Variants in NEGR1 observed in about 807,000 individuals in gnomAD.
The protein encoded by NEGR1 is IgLON family member 4.
In NEGR1, 10 loss-of-function variants were observed where a neutral mutation model predicts 40.9. The ratio of observed to expected loss-of-function variants is 0.24; its 90% confidence interval spans 0.15 to 0.42. The LOEUF is 0.42. NEGR1 is among the 10% of genes least tolerant of loss of function. The probability of loss-of-function intolerance (pLI) is 1.00; values close to 1 mark genes in which losing one functional copy is unlikely to be tolerated. For missense variants in NEGR1, 352 were observed against 438.9 expected (o/e 0.80, Z 1.77); for synonymous variants, 185 against 166.8 (o/e 1.11, Z -0.84).
At chr1:71,590,804 C>T (rs1557578716) in intron 6 of NEGR1, among the ~76,000 whole-genome samples, 1 of 152,108 alleles carries the variant, frequency 6.6e-6, no homozygotes, top group African/African-American at 2.4e-5. Context: ...GTTACAAGTA[C>T]AAATTCTACA....
intron 1 of NEGR1, among the ~76,000 whole-genome samples, chr1:72,226,924 T>A (rs373303582): frequency 6.6e-6 from 1 of 152,058 alleles, no homozygotes. Flanking sequence ...AAAATGACCA[T>A]CCATTCCATT....
intron 1 of NEGR1, among the ~76,000 whole-genome samples, chr1:72,245,511 T>A (rs1011698833): frequency 6.6e-6 from 1 of 152,146 alleles, no homozygotes; most frequent in African/African-American, 2.4e-5. Flanking sequence ...TACTATGGCA[T>A]CAACTCATGT....
chr1:71,688,329 G>T (rs2422023), intron 4 of NEGR1, among the ~76,000 whole-genome samples: 52,678 of 66,782 alleles, frequency 0.79, 20,066 homozygotes, highest in Non-Finnish European at 0.82. Context: ...TATATATATA[G>T]ATAGATAGAT....
At chr1:72,108,308 T>A (rs975577807) in intron 1 of NEGR1, among the ~76,000 whole-genome samples, 2 of 151,668 alleles carry the variant, frequency 1.3e-5, no homozygotes, top group Non-Finnish European at 3.0e-5. Flanking sequence ...TATTCTCTCC[T>A]AAGTCCATTA....
chr1:71,807,856 T>A lies in NEGR1; in HGVS notation c.410-31559A>T, dbSNP rs189001090. Among the ~76,000 whole-genome samples, 3 of 152,272 alleles carry A rather than the reference T, an allele frequency of 2.0e-5. No homozygotes were observed. In the East Asian group the frequency reaches 5.8e-4, roughly 29 times the overall value. ...AAAGCTCTGAGATTTCTAAGCACAT[T>A]CTTTTTTATTTACTTCTGTTTTCAT... On this transcript the variant is annotated intron_variant, in intron 2 of 6. Transcript: ENST00000357731.
rs114872961 is a variant in NEGR1, at chr1:72,259,838, T to A, written c.176+22481A>T. On this transcript the variant is annotated intron_variant, in intron 1 of 6. Coordinates refer to ENST00000357731, the MANE Select transcript of NEGR1 (RefSeq NM_173808.3). ...GTATATGGTTCTATCGCAGGCAAAATCGCTATGCAGGTAGAGTTTATCTTT... is the reference window on the plus strand; with the variant it reads ...GTATATGGTTCTATCGCAGGCAAAAACGCTATGCAGGTAGAGTTTATCTTT... Among the ~76,000 whole-genome samples, 878 of 152,202 alleles carry A rather than the reference T, an allele frequency of 5.8e-3. 11 individuals are homozygous for A. Among genetic ancestry groups the A allele is most frequent in the African/African-American group, 0.02 (838 of 41,550 alleles).
At chr1:71,618,511 G>C (rs139224090) in intron 4 of NEGR1, among the ~76,000 whole-genome samples, 3 of 152,072 alleles carry the variant, frequency 2.0e-5, no homozygotes, top group African/African-American at 7.2e-5. Flanking sequence ...TGAGATCATG[G>C]AGTAGACTGG....
rs187273792 is a variant in NEGR1, at chr1:71,642,476, G to T, written c.668-31330C>A. On this transcript the variant is annotated intron_variant, in intron 4 of 6. Coordinates refer to ENST00000357731, the MANE Select transcript of NEGR1 (RefSeq NM_173808.3). ...GAGAAAAAGAGAGAATAGAATGAAA[G>T]AGATCAACTTTGTAAGCCCTTGCTC... 1.8e-4 allele frequency among the ~76,000 whole-genome samples: 28 copies of T among 151,978 alleles called. No homozygotes were observed. The East Asian group carries it at 3.1e-3, about 17-fold the overall frequency.
At position 71,402,631 on chromosome 1, in the gene NEGR1, A is replaced by G. The variant is rs1279220556; in HGVS notation, c.*4815T>C. On this transcript the variant is annotated 3_prime_UTR_variant, in exon 7 of 7. Coordinates refer to ENST00000357731, the MANE Select transcript of NEGR1 (RefSeq NM_173808.3). ...AAATGTGAAGGTGTATGATTCTTGG[A>G]AAGTTCAGAGGGAGTACATTGACGG... 1 of 152,176 alleles carries G rather than the reference A, an allele frequency of 6.6e-6. No individual in the cohort carries two copies. Among genetic ancestry groups the G allele is most frequent in the Non-Finnish European group, 1.5e-5 (1 of 68,004 alleles). 9.4% of individuals were successfully genotyped at this position (152,176 alleles called of 1,614,324 possible). A position where few individuals can be genotyped will look rare whatever the true frequency, so the allele number is the denominator to read the frequency against.
intron 1 of NEGR1, among the ~76,000 whole-genome samples, chr1:72,029,389 G>T (rs1227045880): frequency 3.9e-5 from 6 of 152,116 alleles, no homozygotes; most frequent in African/African-American, 1.2e-4. Context: ...TTTTTATAAT[G>T]ATCAAGGTAT....
chr1:71,790,045 A>T (rs1040392929), intron 2 of NEGR1, among the ~76,000 whole-genome samples: 1 of 152,136 alleles, frequency 6.6e-6, no homozygotes, highest in African/African-American at 2.4e-5. Context: ...ATGCCAAAAT[A>T]ACCCAATTTA....
At chr1:71,782,001 G>A (rs1656734519) in intron 2 of NEGR1, among the ~76,000 whole-genome samples, 1 of 152,002 alleles carries the variant, frequency 6.6e-6, no homozygotes, top group South Asian at 2.1e-4. Flanking sequence ...ATCAAAATTC[G>A]ATCTTAAAAA....
intron 1 of NEGR1, among the ~76,000 whole-genome samples, chr1:72,014,345 T>C (rs1646689685): frequency 8.0e-6 from 1 of 124,672 alleles, no homozygotes; most frequent in Non-Finnish European, 1.8e-5. Context: ...AAGTGGTAAG[T>C]GATATTGAAT....
intron 1 of NEGR1, among the ~76,000 whole-genome samples, chr1:72,086,813 T>G (rs966838814): frequency 1.3e-5 from 2 of 152,212 alleles, no homozygotes; most frequent in Non-Finnish European, 2.9e-5. Context: ...ATTTTTTACT[T>G]TTTAAAGTAT....
chr1:72,152,584 C>T (rs1053562996), intron 1 of NEGR1, among the ~76,000 whole-genome samples: 13 of 151,934 alleles, frequency 8.6e-5, no homozygotes, highest in African/African-American at 2.9e-4. Flanking sequence ...TATCAAAGAA[C>T]TTAAAACAGA....
intron 1 of NEGR1, among the ~76,000 whole-genome samples, chr1:72,055,518 T>C (rs758762098): frequency 6.0e-5 from 9 of 151,078 alleles, no homozygotes; most frequent in Admixed American, 1.3e-4. Flanking sequence ...AACAAGATAA[T>C]GGGAAATGAA....
intron 3 of NEGR1, among the ~76,000 whole-genome samples, chr1:71,766,066 C>T (rs1656115894): frequency 6.6e-6 from 1 of 151,120 alleles, no homozygotes. Flanking sequence ...CCCAGCTACT[C>T]GGGAGGCTGA....
intron 6 of NEGR1, among the ~76,000 whole-genome samples, chr1:71,537,517 A>T (rs1353670310): frequency 6.6e-6 from 1 of 151,688 alleles, no homozygotes; most frequent in Non-Finnish European, 1.5e-5. Flanking sequence ...TAATTCCTGG[A>T]GATTTCTATC....
At chr1:71,747,126 C>T (rs1033039824) in intron 3 of NEGR1, among the ~76,000 whole-genome samples, 2 of 151,892 alleles carry the variant, frequency 1.3e-5, no homozygotes, top group Non-Finnish European at 2.9e-5. Flanking sequence ...AATACATCAG[C>T]TTTTTATCAT....
Sources: allele counts gnomAD v4.1 joint callset (sites outside exome capture counted in the v4.1 genomes callset), GRCh38; gene constraint gnomAD v4.1.1; transcripts MANE v1.5; gene names NCBI Gene and HGNC (gene_info 2026-07-23, HGNC 2026-07-21).